Variants in SHISAL2A observed in about 807,000 individuals in gnomAD.
The protein encoded by SHISAL2A is protein shisa-like-2A.
SHISAL2A carries 18 observed loss-of-function variants against 11.5 expected under a neutral mutation model. That is an observed-to-expected ratio of 1.57 (90% CI 1.08 to 2.33). The LOEUF (loss-of-function observed/expected upper bound fraction) is 2.33. SHISAL2A is among the 30% of genes most tolerant of loss of function. The pLI, the probability that SHISAL2A is intolerant of heterozygous loss-of-function variation, is 0.00. For missense variants in SHISAL2A, 261 were observed against 250.9 expected (o/e 1.04, Z -0.27); for synonymous variants, 94 against 99.6 (o/e 0.94, Z 0.34).
chr1:52,644,082 T>C (rs1331160028), intron 2 of SHISAL2A, among the ~76,000 whole-genome samples: 2 of 152,198 alleles, frequency 1.3e-5, no homozygotes, highest in East Asian at 1.9e-4. Context: ...GATGACTTGC[T>C]TAAGGTGTCA....
intron 1 of SHISAL2A, among the ~76,000 whole-genome samples, chr1:52,638,882 C>G (rs1490995634): frequency 6.6e-6 from 1 of 152,206 alleles, no homozygotes; most frequent in Non-Finnish European, 1.5e-5. Context: ...GCCCAAGAAA[C>G]CCCTCAGACA....
At chr1:52,662,343 T>A (rs887829143) in intron 4 of SHISAL2A, among the ~76,000 whole-genome samples, 4 of 151,024 alleles carry the variant, frequency 2.6e-5, no homozygotes, top group Non-Finnish European at 5.9e-5. Flanking sequence ...TATTTTATTT[T>A]ATTTATTTAT....
In SHISAL2A at chr1:52,638,556, T is replaced by A. The variant is rs569410321; in HGVS notation, c.183-4307T>A. On this transcript the variant is annotated intron_variant, in intron 1 of 2. Transcript: ENST00000517870. ...TTGGATTCACCAGGAGACTCTGAGA[T>A]GAGGATTTGATGGCAAGTAGTTTAT... Among the ~76,000 whole-genome samples the A allele has an allele frequency of 7.9e-5, 12 of 152,260 alleles. No homozygotes were observed. In the South Asian group the frequency reaches 2.3e-3, roughly 29 times the overall value.
chr1:52,659,322 A>C (rs1364397172), downstream of SHISAL2A: 1 of 152,594 alleles, frequency 6.6e-6, no homozygotes. Context: ...GAGCCACTGC[A>C]CCCAGCCTAT....
At chr1:52,652,303 G>C (rs1296236695) in intron 2 of SHISAL2A, among the ~76,000 whole-genome samples, 1 of 152,148 alleles carries the variant, frequency 6.6e-6, no homozygotes, top group East Asian at 1.9e-4. Flanking sequence ...AAGCCATAGG[G>C]AGATGGATGT....
At chr1:52,650,327 T>C (rs901256357) in intron 2 of SHISAL2A, among the ~76,000 whole-genome samples, 7 of 152,162 alleles carry the variant, frequency 4.6e-5, no homozygotes, top group Non-Finnish European at 8.8e-5. Flanking sequence ...ACGGAGGTCC[T>C]TGGAGAAAGG....
At chr1:52,655,716 A>G (rs1691776918) in intron 2 of SHISAL2A, among the ~76,000 whole-genome samples, 1 of 152,250 alleles carries the variant, frequency 6.6e-6, no homozygotes, top group Non-Finnish European at 1.5e-5. Flanking sequence ...AAGGAAATGC[A>G]GATTAAAGCC....
chr1:52,662,648 C>T (rs367559274), intron 4 of SHISAL2A, among the ~76,000 whole-genome samples: 8 of 151,892 alleles, frequency 5.3e-5, no homozygotes, highest in Non-Finnish European at 8.8e-5. Flanking sequence ...ACCGCCCCCC[C>T]ACCCTTTCTG....
downstream of SHISAL2A, among the ~76,000 whole-genome samples, chr1:52,660,157 A>G (rs907745703): frequency 6.6e-6 from 1 of 152,218 alleles, no homozygotes; most frequent in African/African-American, 2.4e-5. Flanking sequence ...CTGCAAGAAC[A>G]AAAACAAGCT....
At chr1:52,651,409 G>A (rs1173303377) in intron 2 of SHISAL2A, among the ~76,000 whole-genome samples, 1 of 151,894 alleles carries the variant, frequency 6.6e-6, no homozygotes, top group Non-Finnish European at 1.5e-5. Context: ...GCTAATATTT[G>A]TATTTTTAGT....
intron 2 of SHISAL2A, among the ~76,000 whole-genome samples, chr1:52,644,908 T>A (rs1691461635): frequency 6.7e-6 from 1 of 150,210 alleles, no homozygotes; most frequent in African/African-American, 2.5e-5. Flanking sequence ...TCCCAGCTAC[T>A]CAGGAGGCTG....
chr1:52,638,283 T>A (rs1691281263), intron 1 of SHISAL2A, among the ~76,000 whole-genome samples: 1 of 139,650 alleles, frequency 7.2e-6, no homozygotes, highest in Non-Finnish European at 1.5e-5. Flanking sequence ...CCCTCACTCC[T>A]CAAAGGGCCT....
intron 2 of SHISAL2A, among the ~76,000 whole-genome samples, chr1:52,650,684 A>G (rs188409191): frequency 2.2e-3 from 242 of 112,284 alleles, no homozygotes; most frequent in African/African-American, 5.4e-3. Context: ...TCCCTCTGTT[A>G]CCCAGGCTGG....
At chr1:52,657,145 C>A, downstream of SHISAL2A, 1 of 1,422,012 alleles carries the variant, frequency 7.0e-7, no homozygotes, top group Non-Finnish European at 9.5e-7. Flanking sequence ...AGGGCTTCTC[C>A]CAGCAAAGAT....
At chr1:52,667,488 C>CCATCAA (rs1558097314) in exon 5 of SHISAL2A, 1 of 510,958 alleles carries the variant, frequency 2.0e-6, no homozygotes, top group African/African-American at 2.1e-5. Context: ...ATCACCATCA[C>CCATCAA]CATCACCATC....
intron 1 of SHISAL2A, among the ~76,000 whole-genome samples, chr1:52,641,964 C>T (rs900917915): frequency 2.0e-5 from 3 of 151,504 alleles, no homozygotes; most frequent in Non-Finnish European, 4.4e-5. Flanking sequence ...CATAGCTGGG[C>T]GTGGTGGCAC....
At chr1:52,664,417 G>A (rs1172142314) in intron 4 of SHISAL2A, among the ~76,000 whole-genome samples, 2 of 151,158 alleles carry the variant, frequency 1.3e-5, no homozygotes, top group Admixed American at 6.6e-5. Flanking sequence ...GTGCAGTGGC[G>A]CAATCTTGGC....
intron 2 of SHISAL2A, among the ~76,000 whole-genome samples, chr1:52,650,644 T>C (rs894387823): frequency 5.2e-4 from 14 of 26,986 alleles, no homozygotes; most frequent in South Asian, 4.8e-3. Context: ...TTTAAAACCC[T>C]TTTTTTTTTT....
chr1:52,639,179 G>GA (rs879608236), intron 1 of SHISAL2A, among the ~76,000 whole-genome samples: 55 of 134,050 alleles, frequency 4.1e-4, no homozygotes, highest in East Asian at 1.1e-3. Flanking sequence ...TCTCAGAAAA[G>GA]AAAAAAAAAA....
Sources: gnomAD v4.1 joint callset for allele counts (sites outside exome capture counted in the v4.1 genomes callset) on GRCh38, gnomAD v4.1.1 for gene constraint, MANE v1.5 for transcripts, NCBI Gene and HGNC (gene_info 2026-07-23, HGNC 2026-07-21) for gene names.